PERM1: variants seen among roughly 807,000 people sequenced by gnomAD.
PERM1 encodes the protein PPARGC1 and ESRR induced regulator, muscle 1, also known as PGC-1 and ERR-induced regulator in muscle protein 1.
PERM1 carries 45 observed loss-of-function variants against 44.1 expected under a neutral mutation model. The ratio of observed to expected loss-of-function variants is 1.02; its 90% CI spans 0.80 to 1.31. The LOEUF is 1.31. PERM1 is among the 50% of genes most tolerant of loss of function. The pLI, the probability that PERM1 is intolerant of heterozygous loss-of-function variation, is 0.00. For synonymous variants in PERM1, 565 were observed against 477.1 expected, an observed-to-expected ratio of 1.18 and a Z score of -2.40; for missense variants, 1,189 against 1,106.9, an observed-to-expected ratio of 1.07 and a Z score of -1.05.
exon 1 of PERM1, chr1:979,530 C>T (rs544173055): frequency 1.5e-5 from 23 of 1,549,876 alleles, no homozygotes; most frequent in Non-Finnish European, 1.9e-5. Context: ...CTTTCTTCTT[C>T]CTGGGGACTT....
intron 1 of PERM1, 40 bp downstream of exon 2, chr1:978,841 C>A: frequency 7.0e-7 from 1 of 1,438,356 alleles, no homozygotes; most frequent in Admixed American, 2.8e-5. Flanking sequence ...ACAGTGTGTG[C>A]CTGGGATCTG....
exon 1 of PERM1, chr1:979,004 G>C: frequency 6.5e-7 from 1 of 1,530,654 alleles, no homozygotes; most frequent in Non-Finnish European, 8.8e-7. Context: ...GGGACAGCCG[G>C]CCCCAGCACG....
At chr1:976,033 G>T in exon 3 of PERM1, 1 of 823,818 alleles carries the variant, frequency 1.2e-6, no homozygotes, top group Non-Finnish European at 1.8e-6. Context: ...GTCGGAGGGA[G>T]CAGCACCAGG....
intron 1 of PERM1, 133 bp downstream of exon 2, chr1:978,747 TG>T: frequency 1.3e-6 from 1 of 792,478 alleles, no homozygotes; most frequent in Non-Finnish European, 1.9e-6. Flanking sequence ...GACTGGGGGC[TG>T]GTCCCCAGGC....
chr1:980,566 C>T, exon 1 of PERM1: 1 of 1,457,176 alleles, frequency 6.9e-7, no homozygotes, highest in Non-Finnish European at 9.1e-7. Context: ...CTTGGGACTC[C>T]CAGGGGGCTC....
exon 3 of PERM1, chr1:975,884 C>T (rs763609288): frequency 1.9e-5 from 8 of 416,596 alleles, no homozygotes; most frequent in African/African-American, 4.2e-5. Flanking sequence ...CTGAAATTAA[C>T]CGAATGCCCT....
chr1:981,319 T>C, upstream of PERM1: 2 of 793,294 alleles, frequency 2.5e-6, no homozygotes, highest in Non-Finnish European at 2.0e-6. Flanking sequence ...GATGCGGTGT[T>C]ACATTCCTAG....
exon 1 of PERM1, chr1:980,037 A>G (rs1430978734): frequency 3.2e-6 from 5 of 1,547,976 alleles, no homozygotes; most frequent in Non-Finnish European, 4.4e-6. Context: ...AGGCAGGTGT[A>G]GACACAGCCA....
exon 3 of PERM1, chr1:976,266 A>G: frequency 2.6e-6 from 4 of 1,516,024 alleles, no homozygotes; most frequent in Non-Finnish European, 3.5e-6. Flanking sequence ...GTTGGCCAGC[A>G]AGGCTGCAAG....
exon 1 of PERM1, chr1:979,494 G>T (rs1237939328): frequency 4.5e-6 from 7 of 1,547,646 alleles, no homozygotes; most frequent in Non-Finnish European, 6.1e-6. Context: ...GCTTATTGGG[G>T]CTGGGCCCAG....
exon 1 of PERM1, chr1:979,105 G>A: frequency 6.5e-7 from 1 of 1,549,766 alleles, no homozygotes. Context: ...GGCCGGCACA[G>A]GATCAGCTCT....
exon 3 of PERM1, chr1:976,029 G>A (rs956983925): frequency 2.0e-5 from 16 of 793,238 alleles, no homozygotes; most frequent in Non-Finnish European, 3.1e-5. Context: ...GTGAGTCGGA[G>A]GGAGCAGCAC....
At chr1:981,999 G>A, upstream of PERM1, 1 of 1,241,262 alleles carries the variant, frequency 8.1e-7, no homozygotes, top group Non-Finnish European at 1.1e-6. Flanking sequence ...CTCTTGAGAA[G>A]CCTCTGTGGG....
At chr1:976,306 T>C (rs759486430) in intron 2 of PERM1, 37 bp from the exon 4 acceptor site, 3 of 1,471,628 alleles carry the variant, frequency 2.0e-6, no homozygotes, top group African/African-American at 2.8e-5. Flanking sequence ...AGGGCCAGCC[T>C]GGCTGTCGGC....
chr1:978,631 C>T (rs1185207080), intron 1 of PERM1, among the ~76,000 whole-genome samples: 5 of 152,204 alleles, frequency 3.3e-5, no homozygotes, highest in African/African-American at 4.8e-5. Flanking sequence ...GGAGGGACGC[C>T]GCCGTCACAT....
At chr1:981,228 G>A (rs1029245612), upstream of PERM1, 7 of 1,505,182 alleles carry the variant, frequency 4.7e-6, no homozygotes, top group Admixed American at 1.6e-4. Context: ...TTCAAACCTA[G>A]TGGTGACGAT....
intron 2 of PERM1, 104 bp from the exon 4 acceptor site, chr1:976,373 G>A: frequency 1.3e-6 from 2 of 1,492,822 alleles, no homozygotes; most frequent in South Asian, 1.3e-5. Context: ...TGCGGCCAGG[G>A]CCGCAGCTCA....
chr1:980,626 C>T, exon 1 of PERM1: 1 of 1,444,120 alleles, frequency 6.9e-7, no homozygotes, highest in South Asian at 1.5e-5. Flanking sequence ...CATCTGGTCT[C>T]CAGAAGACGC....
chr1:979,586 C>T, exon 1 of PERM1: 1 of 1,550,098 alleles, frequency 6.5e-7, no homozygotes, highest in Non-Finnish European at 8.7e-7. Flanking sequence ...CCGGGGGCCC[C>T]TGCTGAGGGC....
Sources: gnomAD v4.1 joint callset for allele counts (sites outside exome capture counted in the v4.1 genomes callset) on GRCh38, gnomAD v4.1.1 for gene constraint, MANE v1.5 for transcripts, NCBI Gene and HGNC (gene_info 2026-07-23, HGNC 2026-07-21) for gene names.